Variants in CSMD3 observed in about 807,000 individuals in gnomAD.
CSMD3 encodes CUB and Sushi multiple domains 3.
Under a neutral mutation model 435.2 loss-of-function variants are expected in CSMD3, and 177 were observed. That is an observed-to-expected ratio of 0.41 (90% CI 0.36 to 0.46). CSMD3 has a LOEUF of 0.46. CSMD3 is among the 20% of genes least tolerant of loss of function. The probability of loss-of-function intolerance (pLI) is 0.34; values close to 1 mark genes in which losing one functional copy is unlikely to be tolerated. For missense variants in CSMD3, 4,265 were observed against 4,504.6 expected, an observed-to-expected ratio of 0.95 and a Z score of 1.52; for synonymous variants, 1,656 against 1,520.5, an observed-to-expected ratio of 1.09 and a Z score of -2.07.
Position 113,257,402 on chromosome 8 carries a change from C to T in CSMD3, c.514+21190G>A, listed in dbSNP as rs111289659. ...CTCCAGCCTGGGCAACAGGGCAAGACTCTGTCTCAAAAACAAATAAATAAA... is the reference window on the plus strand; with the variant it reads ...CTCCAGCCTGGGCAACAGGGCAAGATTCTGTCTCAAAAACAAATAAATAAA... On this transcript the variant is annotated intron_variant, in intron 3 of 70. Transcript: ENST00000297405. Among the ~76,000 whole-genome samples the T allele has an allele frequency of 3.5e-3, 535 of 152,232 alleles. 2 individuals are homozygous for T. Among genetic ancestry groups the T allele is most frequent in the African/African-American group, 0.012 (499 of 41,544 alleles).
chr8:112,536,016 T>G (rs540815914), intron 27 of CSMD3, among the ~76,000 whole-genome samples: 18 of 152,180 alleles, frequency 1.2e-4, no homozygotes, highest in African/African-American at 3.6e-4. Context: ...TATACAAAAA[T>G]TAATTCAAGA....
chr8:112,353,725 T>TA (rs1362069352), intron 38 of CSMD3, among the ~76,000 whole-genome samples: 1 of 151,762 alleles, frequency 6.6e-6, no homozygotes, highest in Non-Finnish European at 1.5e-5. Flanking sequence ...CTACCAAGAA[T>TA]AAAAACAAAG....
chr8:113,257,184 G>A (rs527356786), intron 3 of CSMD3, among the ~76,000 whole-genome samples: 8 of 152,162 alleles, frequency 5.3e-5, no homozygotes, highest in South Asian at 2.1e-4. Context: ...CGAGGCGGGC[G>A]GATCACGTGG....
At chr8:113,226,832 A>T (rs1205968213) in intron 3 of CSMD3, among the ~76,000 whole-genome samples, 1 of 151,580 alleles carries the variant, frequency 6.6e-6, no homozygotes, top group Admixed American at 6.6e-5. Context: ...CAATAGGTAT[A>T]ACAATTGTCT....
intron 4 of CSMD3, among the ~76,000 whole-genome samples, chr8:113,157,087 T>C (rs1203308772): frequency 3.9e-5 from 6 of 151,930 alleles, no homozygotes; most frequent in African/African-American, 1.2e-4. Flanking sequence ...TATAGAGAAA[T>C]TGCAACCCTG....
intron 8 of CSMD3, among the ~76,000 whole-genome samples, chr8:112,953,582 G>C (rs1445434519): frequency 1.3e-5 from 2 of 151,298 alleles, no homozygotes; most frequent in Non-Finnish European, 3.0e-5. Flanking sequence ...ATATTCTCAA[G>C]TCTAACTAAT....
At chr8:112,275,495 C>T (rs915601952) in intron 59 of CSMD3, among the ~76,000 whole-genome samples, 2 of 151,838 alleles carry the variant, frequency 1.3e-5, no homozygotes, top group African/African-American at 4.8e-5. Flanking sequence ...TGCAGTGAGC[C>T]AAAATTGCAC....
At chr8:113,078,289 T>A (rs1193626635) in intron 5 of CSMD3, among the ~76,000 whole-genome samples, 2 of 152,160 alleles carry the variant, frequency 1.3e-5, no homozygotes, top group African/African-American at 2.4e-5. Context: ...ATTATTTAAT[T>A]TTGCTTATGC....
At chr8:112,236,351 A>AAAAT (rs1487650223) in intron 67 of CSMD3, among the ~76,000 whole-genome samples, 6 of 152,120 alleles carry the variant, frequency 3.9e-5, no homozygotes, top group Non-Finnish European at 7.4e-5. Context: ...CATTAATTTG[A>AAAAT]AAATATTTAT....
chr8:112,551,542 A>C (rs1827687390), intron 26 of CSMD3, among the ~76,000 whole-genome samples: 1 of 152,100 alleles, frequency 6.6e-6, no homozygotes, highest in African/African-American at 2.4e-5. Context: ...TACAGCTTTA[A>C]ATTTAAGTTG....
intron 12 of CSMD3, among the ~76,000 whole-genome samples, chr8:112,827,206 T>TATATAA (rs1564000450): frequency 5.3e-5 from 7 of 132,758 alleles, no homozygotes; most frequent in East Asian, 2.3e-4. Flanking sequence ...TATATATATA[T>TATATAA]AATCTTTCTA....
At chr8:113,086,558 C>A (rs951468405) in intron 5 of CSMD3, among the ~76,000 whole-genome samples, 1 of 151,806 alleles carries the variant, frequency 6.6e-6, no homozygotes, top group Admixed American at 6.6e-5. Flanking sequence ...TTGTGTAATT[C>A]TAATTTATTT....
chr8:113,242,869 A>G (rs976582462), intron 3 of CSMD3, among the ~76,000 whole-genome samples: 1 of 151,926 alleles, frequency 6.6e-6, no homozygotes, highest in African/African-American at 2.4e-5. Context: ...ATATTTACTA[A>G]CTTACTAGCT....
chr8:112,879,120 T>G (rs1050288367), intron 10 of CSMD3, among the ~76,000 whole-genome samples: 13 of 152,092 alleles, frequency 8.5e-5, no homozygotes, highest in African/African-American at 2.7e-4. Flanking sequence ...CAGAGACATA[T>G]TTCCCTTATT....
intron 6 of CSMD3, among the ~76,000 whole-genome samples, chr8:113,010,148 G>T (rs773464479): frequency 6.6e-6 from 1 of 151,482 alleles, no homozygotes; most frequent in South Asian, 2.1e-4. Flanking sequence ...AAGGTGGACC[G>T]CCCACCTTGT....
rs370540784 is a variant in CSMD3, at chr8:113,315,760, C to G, written c.179-967G>C. On this transcript the variant is annotated intron_variant, in intron 1 of 70. Transcript: ENST00000297405. ...TTGAGACAGAATTTTGCTCTGTCACCCAGGCTGTAGTGCAGTGGCGAGATC... is the reference window on the plus strand; with the variant it reads ...TTGAGACAGAATTTTGCTCTGTCACGCAGGCTGTAGTGCAGTGGCGAGATC... Among the ~76,000 whole-genome samples the G allele has an allele frequency of 2.7e-4, 40 of 150,036 alleles. No homozygotes were observed. In the East Asian group the frequency reaches 7.8e-3, roughly 29 times the overall value.
chr8:113,132,408 G>C (rs2091306342), intron 4 of CSMD3, among the ~76,000 whole-genome samples: 1 of 152,178 alleles, frequency 6.6e-6, no homozygotes, highest in African/African-American at 2.4e-5. Flanking sequence ...TTGGATCATG[G>C]GTACAGGTTT....
chr8:113,106,693 G>A (rs2090487515), intron 4 of CSMD3, among the ~76,000 whole-genome samples: 1 of 152,166 alleles, frequency 6.6e-6, no homozygotes, highest in South Asian at 2.1e-4. Flanking sequence ...CCATTTATGA[G>A]GTGTTGCTGG....
intron 32 of CSMD3, among the ~76,000 whole-genome samples, chr8:112,444,653 A>T (rs567395351): frequency 4.9e-4 from 74 of 152,234 alleles, no homozygotes; most frequent in South Asian, 6.2e-4. Context: ...ATTCAGGAAA[A>T]CATCAAACTA....
Sources: allele counts gnomAD v4.1 joint callset (sites outside exome capture counted in the v4.1 genomes callset), GRCh38; gene constraint gnomAD v4.1.1; transcripts MANE v1.5; gene names NCBI Gene and HGNC (gene_info 2026-07-23, HGNC 2026-07-21).